ANO3: variants seen among roughly 807,000 people sequenced by gnomAD.
ANO3 encodes anoctamin 3.
Under a neutral mutation model 144.8 loss-of-function variants are expected in ANO3, and 99 were observed. The ratio of observed to expected loss-of-function variants is 0.68; its 90% CI spans 0.58 to 0.81. The LOEUF (loss-of-function observed/expected upper bound fraction) is 0.81. Ranked by LOEUF, ANO3 falls within the 30% of genes least tolerant of loss-of-function variation. The pLI is 0.00. For synonymous variants in ANO3, 414 were observed against 392.6 expected (o/e 1.05, Z -0.64); for missense variants, 905 against 1,202.2 (o/e 0.75, Z 3.66).
chr11:26,507,363 A>G (rs1189658454), intron 4 of ANO3, among the ~76,000 whole-genome samples: 1 of 152,238 alleles, frequency 6.6e-6, no homozygotes, highest in Non-Finnish European at 1.5e-5. Context: ...AAAATTGGGC[A>G]GAGACCATTA....
chr11:26,277,337 A>G (rs995648679), intron 1 of ANO3, among the ~76,000 whole-genome samples: 18 of 152,264 alleles, frequency 1.2e-4, no homozygotes, highest in African/African-American at 4.3e-4. Context: ...TGCCCACGCT[A>G]CATTGAAACT....
intron 1 of ANO3, among the ~76,000 whole-genome samples, chr11:26,292,518 T>C (rs1196619819): frequency 6.6e-6 from 1 of 152,206 alleles, no homozygotes; most frequent in Non-Finnish European, 1.5e-5. Flanking sequence ...TTTCAGCTTT[T>C]CCGCTCTGGT....
chr11:26,198,143 T>A (rs1851625569), intron 1 of ANO3, among the ~76,000 whole-genome samples: 1 of 152,120 alleles, frequency 6.6e-6, no homozygotes, highest in Non-Finnish European at 1.5e-5. Flanking sequence ...GACTAGGGGA[T>A]TGAGGATGGT....
At chr11:26,297,474 C>T (rs963516269) in intron 1 of ANO3, among the ~76,000 whole-genome samples, 1 of 152,096 alleles carries the variant, frequency 6.6e-6, no homozygotes, top group East Asian at 1.9e-4. Context: ...ATCAAGGGTC[C>T]TCTTAATCCA....
At position 26,248,923 on chromosome 11, in the gene ANO3, A is replaced by C. The variant is rs1438269197; in HGVS notation, c.154+59593A>C. Among the ~76,000 whole-genome samples, 8 of 152,290 alleles carry C rather than the reference A, an allele frequency of 5.3e-5. No homozygotes were observed. The East Asian group carries it at 1.4e-3, about 26-fold the overall frequency. On this transcript the variant is annotated intron_variant, in intron 1 of 27. Transcript: ENST00000672621. ...GAATTCGAACCCTATTGTGAACTGC[A>C]CATGCAAAGGATCTAGGTTGTGTAC...
chr11:26,606,311 T>C (rs955959918), intron 17 of ANO3, among the ~76,000 whole-genome samples: 1 of 152,184 alleles, frequency 6.6e-6, no homozygotes, highest in African/African-American at 2.4e-5. Context: ...ATGATTTCCA[T>C]TCTTTTGCAT....
At chr11:26,279,002 T>A (rs1853619630) in intron 1 of ANO3, among the ~76,000 whole-genome samples, 1 of 152,152 alleles carries the variant, frequency 6.6e-6, no homozygotes, top group Non-Finnish European at 1.5e-5. Flanking sequence ...TACATAGCCT[T>A]CAATGGAGAG....
At chr11:26,300,925 C>CGCCTCTTCATAATGTATTTCATAAACTA (rs1564955763) in intron 1 of ANO3, among the ~76,000 whole-genome samples, 4 of 146,566 alleles carry the variant, frequency 2.7e-5, no homozygotes, top group African/African-American at 5.3e-5. Context: ...GCAATTTCCA[C>CGCCTCTTCATAATGTATTTCATAAACTA]TCACTGCCAC....
Position 26,507,986 on chromosome 11 carries a change from G to A in ANO3, c.433-118G>A, listed in dbSNP as rs1010995617. 6.0e-6 allele frequency: 5 copies of A among 836,948 alleles called. No homozygotes were observed. The South Asian group carries it at 1.0e-4, about 17-fold the overall frequency. The allele number at this position is 836,948 out of a possible 1,614,324, so 51.8% of individuals were successfully genotyped here. On this transcript the variant is annotated intron_variant, in intron 4 of 26. Transcript: ENST00000256737. ...ATTCTATTTCCATATCTCATGGTAG[G>A]AATATTAAAAATACATTTTTTGATA...
At chr11:26,230,934 C>G (rs1384394069) in intron 1 of ANO3, among the ~76,000 whole-genome samples, 1 of 148,836 alleles carries the variant, frequency 6.7e-6, no homozygotes, top group Non-Finnish European at 1.5e-5. Context: ...CCTCTGTTGC[C>G]CCAGCTGGAT....
chr11:26,644,978 A>C (rs1205470281), intron 23 of ANO3, among the ~76,000 whole-genome samples: 1 of 152,096 alleles, frequency 6.6e-6, no homozygotes, highest in Non-Finnish European at 1.5e-5. Context: ...TATATAATCC[A>C]ATTGACATAT....
intron 1 of ANO3, among the ~76,000 whole-genome samples, chr11:26,416,456 C>T (rs1274538578): frequency 1.3e-5 from 2 of 150,580 alleles, no homozygotes; most frequent in Admixed American, 6.7e-5. Context: ...GAGACAGAGT[C>T]TGGGTCTGTG....
intron 22 of ANO3, among the ~76,000 whole-genome samples, chr11:26,642,342 C>CTTTTTTTTTTTTTTTTTTTTTTTTTT (rs576729432): frequency 1.1e-5 from 1 of 93,066 alleles, no homozygotes; most frequent in Non-Finnish European, 2.1e-5. Context: ...TTCTTTCTTT[C>CTTTTTTTTTTTTTTTTTTTTTTTTTT]TTTTTTTTTT....
At chr11:26,267,195 C>A (rs1853334797) in intron 1 of ANO3, among the ~76,000 whole-genome samples, 1 of 151,974 alleles carries the variant, frequency 6.6e-6, no homozygotes, top group South Asian at 2.1e-4. Context: ...CACACACACA[C>A]ACACACACCC....
intron 4 of ANO3, among the ~76,000 whole-genome samples, chr11:26,491,091 AT>A (rs1860689191): frequency 6.6e-6 from 1 of 152,122 alleles, no homozygotes; most frequent in African/African-American, 2.4e-5. Flanking sequence ...CTGTTATAAA[AT>A]TTGTGTTTTA....
At chr11:26,406,552 A>C (rs183278167) in intron 1 of ANO3, among the ~76,000 whole-genome samples, 1,543 of 151,944 alleles carry the variant, frequency 0.01, 26 homozygotes, top group Non-Finnish European at 0.011. Flanking sequence ...GTTCATATGG[A>C]TCTACCTCTC....
chr11:26,517,044 A>G (rs1445303531), intron 6 of ANO3, 117 bp downstream of exon 6: 2 of 513,054 alleles, frequency 3.9e-6, no homozygotes, highest in East Asian at 6.9e-5. Context: ...TTTCTTTCAA[A>G]ATTTCAGTTA....
chr11:26,553,246 A>G lies in ANO3; in HGVS notation c.1290-3A>G. On this transcript the variant is annotated splice_polypyrimidine_tract_variant and splice_region_variant and intron_variant, in intron 12 of 26. Coordinates refer to ENST00000256737, the MANE Select transcript of ANO3 (RefSeq NM_031418.4). Reference sequence around the variant, plus strand: ...TTTGTTTTTGTTTTTGTTTTTTCTCAAGCCAAGAAATTTGTAAAGCCACTG... The same window carrying G: ...TTTGTTTTTGTTTTTGTTTTTTCTCGAGCCAAGAAATTTGTAAAGCCACTG... 1 of 1,499,736 alleles carries G rather than the reference A, an allele frequency of 6.7e-7. No individual in the cohort carries two copies. The highest frequency in any genetic ancestry group is 9.1e-7 in the Non-Finnish European group (1 of 1,097,762). The allele number at this position is 1,499,736 out of a possible 1,614,324, so 92.9% of individuals were successfully genotyped here.
intron 14 of ANO3, among the ~76,000 whole-genome samples, chr11:26,587,354 A>G (rs1271108038): frequency 1.3e-5 from 2 of 152,196 alleles, no homozygotes. Context: ...ACATCCATTT[A>G]CATACCTGAG....
Sources: gnomAD v4.1 joint callset for allele counts (sites outside exome capture counted in the v4.1 genomes callset) on GRCh38, gnomAD v4.1.1 for gene constraint, MANE v1.5 for transcripts, NCBI Gene and HGNC (gene_info 2026-07-23, HGNC 2026-07-21) for gene names.